The following GRM8 variants were observed in gnomAD, a reference collection of about 807,000 sequenced individuals.
GRM8 encodes glutamate metabotropic receptor 8.
In GRM8, 47 loss-of-function variants were observed where a neutral mutation model predicts 87.2. The observed-to-expected ratio is 0.54, with a 90% CI of 0.43 to 0.69. The LOEUF (loss-of-function observed/expected upper bound fraction) is 0.69, where lower values mean the gene tolerates loss of function less well. Among genes scored for constraint, GRM8 ranks in the 30% least tolerant of loss-of-function variants. The pLI, the probability that GRM8 is intolerant of heterozygous loss-of-function variation, is 0.00. For synonymous variants in GRM8, 396 were observed against 404.5 expected (o/e 0.98, Z 0.25); for missense variants, 1,019 against 1,139.2 (o/e 0.89, Z 1.52).
chr7:126,685,113 C>T lies in GRM8; in HGVS notation c.1358-75615G>A, dbSNP rs576978403. 4.9e-4 allele frequency among the ~76,000 whole-genome samples: 74 copies of T among 152,320 alleles called. No individual in the cohort carries two copies. The highest frequency in any genetic ancestry group is 1.7e-3 in the African/African-American group (71 of 41,580). On this transcript the variant is annotated intron_variant, in intron 7 of 10. Transcript: ENST00000339582. The surrounding 1 kb of genome is among the most constrained non-coding windows in gnomAD (Gnocchi z 4.2). ...TCACGCAGCCGGGCAGTACCCACTC[C>T]AGGCCCCGGCCCCGCTTGCCACTCT...
At chr7:126,996,704 T>C (rs1813210213) in intron 3 of GRM8, among the ~76,000 whole-genome samples, 2 of 152,050 alleles carry the variant, frequency 1.3e-5, no homozygotes, top group South Asian at 4.1e-4. Flanking sequence ...ACAACATTGT[T>C]ATACAATGGC....
chr7:127,177,759 G>A (rs1308444121), intron 2 of GRM8, among the ~76,000 whole-genome samples: 1 of 152,154 alleles, frequency 6.6e-6, no homozygotes, highest in African/African-American at 2.4e-5. Context: ...AACAATCACT[G>A]CAGTTTGGCT....
chr7:127,201,987 T>C (rs1360989319), intron 2 of GRM8, among the ~76,000 whole-genome samples: 1 of 152,202 alleles, frequency 6.6e-6, no homozygotes, highest in Non-Finnish European at 1.5e-5. Context: ...ACTATTTTGA[T>C]GCTGCCTTTA....
At chr7:126,921,715 A>C (rs1258089578) in intron 3 of GRM8, among the ~76,000 whole-genome samples, 1 of 152,162 alleles carries the variant, frequency 6.6e-6, no homozygotes, top group Non-Finnish European at 1.5e-5. Context: ...AAAAGAAAGC[A>C]AGTTAACTAT....
At chr7:127,175,094 C>T (rs1794022148) in intron 2 of GRM8, among the ~76,000 whole-genome samples, 1 of 152,114 alleles carries the variant, frequency 6.6e-6, no homozygotes, top group African/African-American at 2.4e-5. Flanking sequence ...ACTCATGAAG[C>T]TTACCCACCT....
rs1319451721 is a variant in GRM8, at chr7:127,106,566, C to T, written c.657G>A (p.Ser219=). The part of the protein sequence containing the change: ...IVTALGWNYV[S]TLASEGNYGE... ...CATAGTTCCCCTCAGAAGCCAGTGT[C>T]GAAACATAATTCCATCCCAGTGCTG... is the stretch of plus-strand genomic sequence containing the variant. The change falls in exon 3 of 11, where the codon TCG becomes TCA. Residue 219 remains serine (S), a synonymous_variant. Transcript: ENST00000339582. The T allele has an allele frequency of 3.7e-6, 6 of 1,613,990 alleles. No homozygotes were observed. Among genetic ancestry groups the T allele is most frequent in the African/African-American group, 1.3e-5 (1 of 74,918 alleles).
At chr7:126,788,041 C>T (rs1192394623) in intron 6 of GRM8, among the ~76,000 whole-genome samples, 1 of 152,046 alleles carries the variant, frequency 6.6e-6, no homozygotes, top group African/African-American at 2.4e-5. Flanking sequence ...AATGCAACTC[C>T]TTTATTTTCC....
At chr7:126,856,741 T>A (rs772976235) in intron 6 of GRM8, among the ~76,000 whole-genome samples, 4 of 152,194 alleles carry the variant, frequency 2.6e-5, no homozygotes, top group Non-Finnish European at 4.4e-5. Flanking sequence ...GATAAAACTT[T>A]GAAGCCCTTA....
chr7:126,903,234 C>A (rs1242717482), intron 5 of GRM8, among the ~76,000 whole-genome samples: 1 of 151,988 alleles, frequency 6.6e-6, no homozygotes, highest in South Asian at 2.1e-4. Flanking sequence ...AGGGAGACCC[C>A]CTGGAAATAA....
intron 6 of GRM8, among the ~76,000 whole-genome samples, chr7:126,838,006 A>G (rs1795953990): frequency 6.6e-6 from 1 of 152,234 alleles, no homozygotes. Context: ...GAGACTGTGA[A>G]GCCTATTTCA....
At chr7:126,509,242 T>C (rs1377203820) in intron 9 of GRM8, among the ~76,000 whole-genome samples, 2 of 152,074 alleles carry the variant, frequency 1.3e-5, no homozygotes, top group Non-Finnish European at 1.5e-5. Flanking sequence ...AGGTAGGTTA[T>C]TGCTGCAAGA....
At chr7:127,207,548 C>T (rs1473424162) in intron 2 of GRM8, among the ~76,000 whole-genome samples, 1 of 152,178 alleles carries the variant, frequency 6.6e-6, no homozygotes, top group African/African-American at 2.4e-5. Flanking sequence ...TGACAATCCC[C>T]ATCATAATCC....
At chr7:127,016,009 G>C (rs1815632618) in intron 3 of GRM8, among the ~76,000 whole-genome samples, 1 of 151,988 alleles carries the variant, frequency 6.6e-6, no homozygotes, top group Non-Finnish European at 1.5e-5. Flanking sequence ...CTTATTCACT[G>C]TTTTTGCCAT....
chr7:127,249,239 C>T (rs749666039), intron 1 of GRM8, among the ~76,000 whole-genome samples: 11 of 152,128 alleles, frequency 7.2e-5, no homozygotes, highest in African/African-American at 1.4e-4. Context: ...CCCTGCCCTG[C>T]GCTGACCTCC....
intron 3 of GRM8, among the ~76,000 whole-genome samples, chr7:127,052,188 A>C (rs1819556746): frequency 6.6e-6 from 1 of 152,188 alleles, no homozygotes; most frequent in African/African-American, 2.4e-5. Flanking sequence ...TGGGCAGATT[A>C]CTTTCTCTCT....
At chr7:126,714,405 A>T (rs2151434260) in intron 7 of GRM8, among the ~76,000 whole-genome samples, 1 of 151,930 alleles carries the variant, frequency 6.6e-6, no homozygotes, top group East Asian at 1.9e-4. Context: ...TTTAATTTCC[A>T]CAATAGTCCT....
chr7:126,895,027 T>C (rs1337764640), intron 6 of GRM8, among the ~76,000 whole-genome samples: 2 of 152,076 alleles, frequency 1.3e-5, no homozygotes, highest in Admixed American at 6.6e-5. Flanking sequence ...TTTGCAGACT[T>C]TGAAGATACA....
intron 7 of GRM8, among the ~76,000 whole-genome samples, chr7:126,734,236 A>G (rs1047569885): frequency 6.6e-6 from 1 of 151,942 alleles, no homozygotes; most frequent in African/African-American, 2.4e-5. Context: ...GTTGATCTGT[A>G]AGTTTATCCT....
rs146742028 is a variant in GRM8, at chr7:126,669,595, T to G, written c.1358-60097A>C. Among the ~76,000 whole-genome samples, 434 of 152,314 alleles carry G rather than the reference T, an allele frequency of 2.8e-3. 9 individuals carry two copies. In the South Asian group the frequency reaches 0.042, roughly 15 times the overall value. Reference sequence around the variant, plus strand: ...TTGAGAACTATTTGACTTGCTGGCTTCACAATTGGTAAGGCCTGGGGACTA... The same window carrying G: ...TTGAGAACTATTTGACTTGCTGGCTGCACAATTGGTAAGGCCTGGGGACTA... On this transcript the variant is annotated intron_variant, in intron 7 of 10. Coordinates refer to ENST00000339582, the MANE Select transcript of GRM8 (RefSeq NM_000845.3).
Sources: allele counts gnomAD v4.1 joint callset (sites outside exome capture counted in the v4.1 genomes callset), GRCh38; gene constraint gnomAD v4.1.1; non-coding constraint Gnocchi (gnomAD v3.1); transcripts MANE v1.5; gene names NCBI Gene and HGNC (gene_info 2026-07-23, HGNC 2026-07-21).